Variants in SYT1 observed in about 807,000 individuals in gnomAD.
SYT1 encodes synaptotagmin-1.
In SYT1, 8 loss-of-function variants were observed where a neutral mutation model predicts 44.8. The observed-to-expected ratio is 0.18, with a 90% CI of 0.10 to 0.32. The LOEUF is 0.32. Among genes scored for constraint, SYT1 ranks in the 10% least tolerant of loss-of-function variants. The pLI, the probability that SYT1 is intolerant of heterozygous loss-of-function variation, is 1.00. For synonymous variants in SYT1, 154 were observed against 188.8 expected, an observed-to-expected ratio of 0.82 and a Z score of 1.51; for missense variants, 286 against 509.3, an observed-to-expected ratio of 0.56 and a Z score of 4.22.
chr12:78,946,677 A>G (rs1034118240), intron 1 of SYT1, among the ~76,000 whole-genome samples: 4 of 152,028 alleles, frequency 2.6e-5, no homozygotes, highest in African/African-American at 9.7e-5. Flanking sequence ...CCTAAGTGAC[A>G]GAGTAAGACT....
chr12:79,083,624 G>A (rs916579782), intron 3 of SYT1, among the ~76,000 whole-genome samples: 11 of 152,072 alleles, frequency 7.2e-5, no homozygotes, highest in East Asian at 1.9e-4. Flanking sequence ...GTATATTAAT[G>A]TAAAAAATGC....
At chr12:79,065,575 CT>C (rs1875782651) in intron 3 of SYT1, among the ~76,000 whole-genome samples, 2 of 151,978 alleles carry the variant, frequency 1.3e-5, no homozygotes, top group Non-Finnish European at 2.9e-5. Context: ...TTAGCAGTCA[CT>C]GCAGGCAAGA....
At chr12:78,967,169 A>C (rs1255015658) in intron 1 of SYT1, among the ~76,000 whole-genome samples, 1 of 152,190 alleles carries the variant, frequency 6.6e-6, no homozygotes, top group Non-Finnish European at 1.5e-5. Context: ...ACTATGGAGG[A>C]GATGAAAAAG....
At chr12:79,379,358 GA>G (rs1884125933) in intron 9 of SYT1, among the ~76,000 whole-genome samples, 1 of 151,874 alleles carries the variant, frequency 6.6e-6, no homozygotes, top group Non-Finnish European at 1.5e-5. Flanking sequence ...TTCAAGGAAT[GA>G]AGAAAATTGG....
chr12:79,434,345 A>G (rs1037399989), intron 9 of SYT1, among the ~76,000 whole-genome samples: 2 of 152,152 alleles, frequency 1.3e-5, no homozygotes, highest in African/African-American at 4.8e-5. Context: ...CATCCTTTCA[A>G]CAGCATTACA....
At chr12:79,141,311 ACT>A (rs1483516893) in intron 3 of SYT1, among the ~76,000 whole-genome samples, 3 of 152,010 alleles carry the variant, frequency 2.0e-5, no homozygotes, top group African/African-American at 7.2e-5. Flanking sequence ...ATACTGTGAC[ACT>A]CTATGTATTC....
intron 3 of SYT1, among the ~76,000 whole-genome samples, chr12:79,051,843 T>C (rs898230287): frequency 9.9e-5 from 15 of 152,228 alleles, no homozygotes; most frequent in African/African-American, 3.6e-4. Flanking sequence ...GCTGTAGATA[T>C]GCGGCATTAT....
intron 3 of SYT1, among the ~76,000 whole-genome samples, chr12:79,189,568 A>T (rs1872993092): frequency 1.3e-5 from 2 of 152,154 alleles, no homozygotes; most frequent in South Asian, 4.1e-4. Flanking sequence ...CCTCTCAGTA[A>T]CACAGTATAG....
intron 3 of SYT1, among the ~76,000 whole-genome samples, chr12:79,068,655 C>T (rs903026464): frequency 6.6e-6 from 1 of 152,076 alleles, no homozygotes; most frequent in African/African-American, 2.4e-5. Flanking sequence ...ACTGATTTTC[C>T]TCCTACTCTA....
chr12:79,069,171 G>A (rs1229898158), intron 3 of SYT1, among the ~76,000 whole-genome samples: 1 of 152,132 alleles, frequency 6.6e-6, no homozygotes, highest in East Asian at 1.9e-4. Context: ...GGAATGGCAG[G>A]TGTTCATCTA....
intron 9 of SYT1, among the ~76,000 whole-genome samples, chr12:79,399,775 G>T (rs1309486308): frequency 6.6e-6 from 1 of 152,138 alleles, no homozygotes; most frequent in Non-Finnish European, 1.5e-5. Flanking sequence ...TGTCTGGGTG[G>T]TGCCCAAGAA....
chr12:78,911,706 G>T (rs1198106670), intron 1 of SYT1, among the ~76,000 whole-genome samples: 1 of 151,988 alleles, frequency 6.6e-6, no homozygotes, highest in Non-Finnish European at 1.5e-5. Context: ...GGTGTGGGGT[G>T]AGGAGATAAG....
intron 1 of SYT1, among the ~76,000 whole-genome samples, chr12:78,931,156 C>A (rs1200290527): frequency 8.1e-6 from 1 of 123,588 alleles, no homozygotes; most frequent in African/African-American, 3.1e-5. Flanking sequence ...GAGTGAAAGT[C>A]TGTGGAAAGA....
chr12:79,340,078 G>A (rs543570324), intron 8 of SYT1, among the ~76,000 whole-genome samples: 5 of 152,302 alleles, frequency 3.3e-5, no homozygotes, highest in East Asian at 1.9e-4. Flanking sequence ...CTGTAGCCTT[G>A]TAGTATAGTT....
At chr12:79,213,322 G>T (rs1230489608) in intron 3 of SYT1, among the ~76,000 whole-genome samples, 2 of 151,976 alleles carry the variant, frequency 1.3e-5, no homozygotes, top group Non-Finnish European at 2.9e-5. Flanking sequence ...GGATTATATT[G>T]GATACTTGTC....
At position 78,931,244 on chromosome 12, in the gene SYT1, AAGGAAGGAAG is replaced by A. The variant is rs1877673539; in HGVS notation, c.-216-46554_-216-46545del. Among the ~76,000 whole-genome samples the A allele has an allele frequency of 4.0e-3, 130 of 32,280 alleles. 1 individual carries two copies. The highest frequency in any genetic ancestry group is 0.017 in the Middle Eastern group (1 of 58). 21.2% of individuals were successfully genotyped at this position (32,280 alleles called of 152,430 possible). ...GAAAGAAAGAAAGAAAGAAAGAAGG[AAGGAAGGAAG>A]GAAGGAAGGAAGGAAGGAAGGAAGG... On this transcript the variant is annotated intron_variant, in intron 1 of 10. Coordinates refer to ENST00000261205, the MANE Select transcript of SYT1 (RefSeq NM_005639.3).
intron 3 of SYT1, among the ~76,000 whole-genome samples, chr12:79,095,210 C>G (rs1250523237): frequency 6.6e-6 from 1 of 151,798 alleles, no homozygotes; most frequent in Non-Finnish European, 1.5e-5. Context: ...ACAAATAATT[C>G]AAATAAATTC....
intron 4 of SYT1, among the ~76,000 whole-genome samples, chr12:79,259,584 A>G (rs549591040): frequency 1.3e-5 from 2 of 152,218 alleles, no homozygotes; most frequent in Admixed American, 1.3e-4. Flanking sequence ...AAATAAAAAT[A>G]TTAGCCAGGC....
At chr12:78,920,409 T>C (rs1188681922) in intron 1 of SYT1, among the ~76,000 whole-genome samples, 1 of 152,022 alleles carries the variant, frequency 6.6e-6, no homozygotes, top group African/African-American at 2.4e-5. Context: ...GACAAACAGA[T>C]GATGCCATCA....
Sources: allele counts gnomAD v4.1 joint callset (sites outside exome capture counted in the v4.1 genomes callset), GRCh38; gene constraint gnomAD v4.1.1; transcripts MANE v1.5; gene names NCBI Gene and HGNC (gene_info 2026-07-23, HGNC 2026-07-21).